HPS4: variants seen among roughly 807,000 people sequenced by gnomAD.
HPS4 encodes BLOC-3 complex member HPS4.
A neutral mutation model predicts 70.3 loss-of-function variants in HPS4; 44 were observed. The ratio of observed to expected loss-of-function variants is 0.63; its 90% confidence interval spans 0.49 to 0.80. HPS4 has a LOEUF of 0.80. HPS4 is among the 30% of genes least tolerant of loss of function. HPS4 has a pLI of 0.00. For missense variants in HPS4, 873 were observed against 884.4 expected (o/e 0.99, Z 0.16); for synonymous variants, 377 against 355.9 (o/e 1.06, Z -0.67).
At chr22:26,448,501 G>T (rs1022382318), downstream of HPS4, among the ~76,000 whole-genome samples, 20 of 152,340 alleles carry the variant, frequency 1.3e-4, no homozygotes, top group African/African-American at 4.8e-4. Flanking sequence ...TAGAGGACTT[G>T]TCTCCCTCTC....
chr22:26,479,575 A>G, intron 2 of HPS4: 2 of 1,380,762 alleles, frequency 1.4e-6, no homozygotes, highest in Non-Finnish European at 1.9e-6. Context: ...TCCAGCCGTT[A>G]GACCATCTGC....
chr22:26,469,918 AG>A (rs1486371685), intron 7 of HPS4, among the ~76,000 whole-genome samples: 1 of 152,112 alleles, frequency 6.6e-6, no homozygotes, highest in Non-Finnish European at 1.5e-5. Flanking sequence ...ATTCTTCACA[AG>A]GGATGTCTAT....
At position 26,481,755 on chromosome 22, in the gene HPS4, G is replaced by A; in HGVS notation, c.8C>T (p.Thr3Ile). Residue 3 changes from threonine to isoleucine, a missense_variant, in exon 2 of 14, where the codon ACC (threonine) becomes ATC (isoleucine). Coordinates refer to ENST00000398145, the MANE Select transcript of HPS4 (RefSeq NM_022081.6). MA[T>I]STSTEAKSAS... ...TGACTTTGCCTCTGTGGAGGTAGAG[G>A]TGGCCATCTACTGTGCAGTCATCCT... 1.2e-6 allele frequency: 2 copies of A among 1,614,152 alleles called. No homozygotes were observed. Among genetic ancestry groups the A allele is most frequent in the Non-Finnish European group, 1.7e-6 (2 of 1,179,970 alleles).
At chr22:26,454,897 C>T (rs2085820040) in intron 13 of HPS4, among the ~76,000 whole-genome samples, 1 of 151,908 alleles carries the variant, frequency 6.6e-6, no homozygotes, top group South Asian at 2.1e-4. Context: ...AAAAAACAAA[C>T]AACCCCATCA....
intron 11 of HPS4, 99 bp downstream of exon 11, chr22:26,463,818 C>A (rs562049003): frequency 1.3e-5 from 17 of 1,276,550 alleles, no homozygotes; most frequent in African/African-American, 7.3e-5. Context: ...GAGGGCTGAG[C>A]CTTTATCTCT....
intron 7 of HPS4, 98 bp downstream of exon 7, chr22:26,470,621 G>A: frequency 1.7e-6 from 2 of 1,210,058 alleles, no homozygotes; most frequent in Non-Finnish European, 2.4e-6. Context: ...CTTGGAACTG[G>A]CCAGAGACTG....
intron 3 of HPS4, among the ~76,000 whole-genome samples, chr22:26,445,565 G>C (rs1396083970): frequency 6.6e-6 from 1 of 152,202 alleles, no homozygotes; most frequent in Non-Finnish European, 1.5e-5. Flanking sequence ...CTTCAGAAAA[G>C]CTGAGGATTT....
Position 26,453,141 on chromosome 22 carries a change from C to T in HPS4, c.*92G>A, listed in dbSNP as rs1332641320. On this transcript the variant is annotated 3_prime_UTR_variant, in exon 14 of 14. Transcript: ENST00000398145. The stretch of plus-strand genomic sequence containing the variant: ...TGGTTCCTAAAAAAGGGAATGTTTT[C>T]AAGAAAAATAAAATAGAGGGGCCTT... The T allele has an allele frequency of 1.2e-5, 16 of 1,313,448 alleles. No individual in the cohort carries two copies. Among genetic ancestry groups the T allele is most frequent in the Non-Finnish European group, 1.7e-5 (16 of 932,126 alleles). The allele number at this position is 1,313,448 out of a possible 1,614,324, so 81.4% of individuals were successfully genotyped here.
rs2088688606 is a variant in HPS4 at position 26,466,691 on chromosome 22, C to T, written c.670-429G>A. Reference sequence around the variant, plus strand: ...ATAAAAATGTCAAAATACTGTGACTCTCACGATAAAGGATTTGACTTAAAC... The same window carrying T: ...ATAAAAATGTCAAAATACTGTGACTTTCACGATAAAGGATTTGACTTAAAC... On this transcript the variant is annotated intron_variant, in intron 8 of 13. Coordinates refer to ENST00000398145, the MANE Select transcript of HPS4 (RefSeq NM_022081.6). 4 of 256,856 alleles carry T rather than the reference C, an allele frequency of 1.6e-5. No homozygotes were observed. In the South Asian group the frequency reaches 1.8e-4, roughly 12 times the overall value. The allele number at this position is 256,856 out of a possible 1,614,324, so 15.9% of individuals were successfully genotyped here. A position where few individuals can be genotyped will look rare whatever the true frequency, so the allele number is the denominator to read the frequency against.
chr22:26,481,233 T>G (rs544396968), intron 2 of HPS4, among the ~76,000 whole-genome samples: 1 of 152,286 alleles, frequency 6.6e-6, no homozygotes, highest in Admixed American at 6.5e-5. Context: ...AAACCTGCTT[T>G]TCACCTTCAT....
In HPS4 at chr22:26,453,271, T is replaced by A; in HGVS notation, c.2089A>T (p.Lys697Ter). Residue 697 changes from lysine (K) to a stop codon, truncating the protein, a stop_gained, in exon 14 of 14, where the codon AAG becomes TAG. Transcript: ENST00000398145. LOFTEE classifies it high-confidence loss of function. ...ACCCCGTGCTTCAGCAGCTTCTGCT[T>A]TGCTTTGCCGGAGAGGCTGAAGGCG... is the stretch of plus-strand genomic sequence containing the variant. ...DGAFSLSGKA[K>*]QKLLKHGVNL... 1.9e-6 allele frequency: 3 copies of A among 1,614,228 alleles called. No homozygotes were observed. Among genetic ancestry groups the A allele is most frequent in the Non-Finnish European group, 2.5e-6 (3 of 1,180,042 alleles).
At chr22:26,444,173 G>A (rs1170526754), downstream of HPS4, 3 of 152,076 alleles carry the variant, frequency 2.0e-5, no homozygotes, top group East Asian at 5.8e-4. Flanking sequence ...TGGCAAAACT[G>A]GAATAATAGA....
downstream of HPS4, among the ~76,000 whole-genome samples, chr22:26,447,160 T>C (rs2084979938): frequency 6.6e-6 from 1 of 152,176 alleles, no homozygotes; most frequent in Admixed American, 6.5e-5. Flanking sequence ...TTCCAAACTC[T>C]GGGCCACTGA....
chr22:26,443,392 C>T (rs941876756), downstream of HPS4: 7 of 553,156 alleles, frequency 1.3e-5, no homozygotes, highest in African/African-American at 3.9e-5. Context: ...GGAAACTTTT[C>T]GGCTTGTATT....
chr22:26,482,598 CA>C (rs2091399546), intron 1 of HPS4: 2 of 152,266 alleles, frequency 1.3e-5, no homozygotes, highest in African/African-American at 4.8e-5. Context: ...CAGAGCAGGG[CA>C]AATTTCTAAA....
At position 26,458,436 on chromosome 22, in the gene HPS4, G is replaced by C. The variant is rs1243992479; in HGVS notation, c.1846+9C>G. On this transcript the variant is annotated intron_variant, in intron 12 of 13. Coordinates refer to ENST00000398145, the MANE Select transcript of HPS4 (RefSeq NM_022081.6). ...CCCCGTCGCCCCAGGCCCCTTGGCT[G>C]GTTCTTACCCATCAGCAAGCTCTGA... The C allele has an allele frequency of 1.2e-6, 2 of 1,614,010 alleles. No homozygotes were observed. Among genetic ancestry groups the C allele is most frequent in the African/African-American group, 2.7e-5 (2 of 74,904 alleles).
chr22:26,453,185 A>G lies in HPS4; in HGVS notation c.*48T>C. On this transcript the variant is annotated 3_prime_UTR_variant, in exon 14 of 14. Coordinates refer to ENST00000398145, the MANE Select transcript of HPS4 (RefSeq NM_022081.6). The stretch of plus-strand genomic sequence containing the variant: ...GGGCCTTTTCAATTATAAAAGGCAG[A>G]GCTTCCTTTGCTGGTTTTCTCCTTC... 1 of 1,584,844 alleles carries G rather than the reference A, an allele frequency of 6.3e-7. No individual in the cohort carries two copies. Among genetic ancestry groups the G allele is most frequent in the Non-Finnish European group, 8.7e-7 (1 of 1,154,668 alleles).
intron 2 of HPS4, chr22:26,479,740 T>TTATGAGGAGTG: frequency 2.1e-6 from 2 of 975,232 alleles, no homozygotes; most frequent in Non-Finnish European, 1.2e-6. Flanking sequence ...TTAGATGCAC[T>TTATGAGGAGTG]CCTCATAAGT....
chr22:26,468,548 T>A lies in HPS4; in HGVS notation c.669+3A>T. ...CCAGCCAGGTGGGTGGACTTTACAATACCTGCTCCTGAGGTGCTGTTCGGT... is the reference window on the plus strand; with the variant it reads ...CCAGCCAGGTGGGTGGACTTTACAAAACCTGCTCCTGAGGTGCTGTTCGGT... On this transcript the variant is annotated splice_donor_region_variant and intron_variant, in intron 8 of 13. Coordinates refer to ENST00000398145, the MANE Select transcript of HPS4 (RefSeq NM_022081.6). 6.2e-7 allele frequency: 1 copy of A among 1,613,452 alleles called. No individual in the cohort carries two copies. The highest frequency in any genetic ancestry group is 8.5e-7 in the Non-Finnish European group (1 of 1,179,614).
Sources: gnomAD v4.1 joint callset for allele counts (sites outside exome capture counted in the v4.1 genomes callset) on GRCh38, gnomAD v4.1.1 for gene constraint, MANE v1.5 for transcripts, NCBI Gene and HGNC (gene_info 2026-07-23, HGNC 2026-07-21) for gene names.